SRSF10: variants seen among roughly 807,000 people sequenced by gnomAD.
SRSF10 encodes the protein serine/arginine-rich splicing factor 10.
In SRSF10, 9 loss-of-function variants were observed where a neutral mutation model predicts 32.6. The ratio of observed to expected loss-of-function variants is 0.28; its 90% CI spans 0.17 to 0.48. The LOEUF (loss-of-function observed/expected upper bound fraction) is 0.48. SRSF10 is among the 20% of genes least tolerant of loss of function. The pLI is 0.99. For synonymous variants in SRSF10, 105 were observed against 112.4 expected (o/e 0.93, Z 0.42); for missense variants, 201 against 331.8 (o/e 0.61, Z 3.06).
At chr1:23,976,863 T>G (rs1193938775) in intron 2 of SRSF10, 7 of 152,242 alleles carry the variant, frequency 4.6e-5, no homozygotes, top group African/African-American at 1.7e-4. Flanking sequence ...TTATTTCTTT[T>G]CAACTATTTT....
rs1641668922 is a variant in SRSF10, at chr1:23,970,320, T to C, written c.*822A>G. 1 of 978,524 alleles carries C rather than the reference T, an allele frequency of 1.0e-6. No homozygotes were observed. Among genetic ancestry groups the C allele is most frequent in the African/African-American group, 1.8e-5 (1 of 56,626 alleles). 60.6% of individuals were successfully genotyped at this position (978,524 alleles called of 1,614,324 possible). On this transcript the variant is annotated 3_prime_UTR_variant, in exon 6 of 6. Transcript: ENST00000492112. ...ACAGTGGGGTTAACAAAAGAACTAA[T>C]CCACACTGCATCAAAAATAATTATC...
At position 23,966,054 on chromosome 1, in the gene SRSF10, C is replaced by T. The variant is rs1641434800; in HGVS notation, c.*5088G>A. The T allele has an allele frequency of 6.6e-6, 1 of 151,906 alleles. No individual in the cohort carries two copies. Among genetic ancestry groups the T allele is most frequent in the South Asian group, 2.1e-4 (1 of 4,822 alleles). The allele number at this position is 151,906 out of a possible 1,614,324, so 9.4% of individuals were successfully genotyped here. ...TCTAGATCCCATTATATCAATGTTA[C>T]TATCTCCATGAAAATAAAGCTATAA... On this transcript the variant is annotated 3_prime_UTR_variant, in exon 6 of 6. Coordinates refer to ENST00000492112, the MANE Select transcript of SRSF10 (RefSeq NM_054016.4).
At position 23,966,554 on chromosome 1, in the gene SRSF10, C is replaced by T. The variant is rs1170759019; in HGVS notation, c.*4588G>A. 1.3e-5 allele frequency: 2 copies of T among 152,088 alleles called. No individual in the cohort carries two copies. Among genetic ancestry groups the T allele is most frequent in the East Asian group, 3.9e-4 (2 of 5,190 alleles). 9.4% of individuals were successfully genotyped at this position (152,088 alleles called of 1,614,324 possible). On this transcript the variant is annotated 3_prime_UTR_variant, in exon 6 of 6. Transcript: ENST00000492112. Reference sequence around the variant, plus strand: ...AATTTGGTGAACATTTTCTCAATTACAGAACATACTAAATCAGTTAGGATA... The same window carrying T: ...AATTTGGTGAACATTTTCTCAATTATAGAACATACTAAATCAGTTAGGATA...
chr1:23,969,824 T>G lies in SRSF10; in HGVS notation c.*1318A>C. On this transcript the variant is annotated 3_prime_UTR_variant, in exon 6 of 6. Coordinates refer to ENST00000492112, the MANE Select transcript of SRSF10 (RefSeq NM_054016.4). Reference sequence around the variant, plus strand: ...CTTGCTTAAAACTGACTAATCCTTTTCCCCAAATTACCTTAAATTTCATGG... The same window carrying G: ...CTTGCTTAAAACTGACTAATCCTTTGCCCCAAATTACCTTAAATTTCATGG... The G allele has an allele frequency of 1.0e-6, 1 of 985,378 alleles. No individual in the cohort carries two copies. Among genetic ancestry groups the G allele is most frequent in the South Asian group, 4.7e-5 (1 of 21,286 alleles). The allele number at this position is 985,378 out of a possible 1,614,324, so 61.0% of individuals were successfully genotyped here.
Position 23,968,383 on chromosome 1 carries a change from A to AC in SRSF10, c.*2758_*2759insG, listed in dbSNP as rs1641562587. On this transcript the variant is annotated 3_prime_UTR_variant, in exon 6 of 6. Transcript: ENST00000492112. ...CTACTTCTCTCAAATTATAGTCTGT[A>AC]AAACAAACAAAACCCCCCCAAAACT... Among the ~76,000 whole-genome samples the AC allele has an allele frequency of 6.6e-6, 1 of 152,124 alleles. No individual in the cohort carries two copies. The highest frequency in any genetic ancestry group is 1.5e-5 in the Non-Finnish European group (1 of 67,990).
Position 23,980,302 on chromosome 1 carries a change from G to C in SRSF10, c.-47C>G. The stretch of plus-strand genomic sequence containing the variant: ...GGCGCACTAACGGGCTCAGCAAACC[G>C]TCCGCGGCTCAGGCGGCCGAGCCTC... On this transcript the variant is annotated 5_prime_UTR_variant, in exon 1 of 6. Coordinates refer to ENST00000492112, the MANE Select transcript of SRSF10 (RefSeq NM_054016.4). 2.9e-6 allele frequency: 4 copies of C among 1,399,640 alleles called. No homozygotes were observed. The highest frequency in any genetic ancestry group is 3.7e-6 in the Non-Finnish European group (4 of 1,068,644). 86.7% of individuals were successfully genotyped at this position (1,399,640 alleles called of 1,614,324 possible).
At chr1:23,977,893 A>T (rs1642190139) in intron 2 of SRSF10, 1 of 980,812 alleles carries the variant, frequency 1.0e-6, no homozygotes, top group Admixed American at 6.2e-5. Context: ...AAAGAAAAAT[A>T]GTTATTCTGT....
In SRSF10 at chr1:23,970,914, A is replaced by G. The variant is rs1641718048; in HGVS notation, c.*228T>C. 2 of 1,241,196 alleles carry G rather than the reference A, an allele frequency of 1.6e-6. No homozygotes were observed. Among genetic ancestry groups the G allele is most frequent in the Non-Finnish European group, 2.0e-6 (2 of 992,662 alleles). 76.9% of individuals were successfully genotyped at this position (1,241,196 alleles called of 1,614,324 possible). A position where few individuals can be genotyped will look rare whatever the true frequency, so the allele number is the denominator to read the frequency against. ...AAAAAATGAGAATCTTTACAAAAAT[A>G]TACAGAGACACCACAAATTGGTAGC... is the stretch of plus-strand genomic sequence containing the variant. On this transcript the variant is annotated 3_prime_UTR_variant, in exon 6 of 6. Transcript: ENST00000492112.
chr1:23,967,867 C>T lies in SRSF10; in HGVS notation c.*3275G>A. On this transcript the variant is annotated 3_prime_UTR_variant, in exon 6 of 6. Transcript: ENST00000492112. ...ATACAATAGTTCCCAGGTCTTTCCC[C>T]TGGGATGTAACTTAACAGCTCATAC... 2 of 1,548,604 alleles carry T rather than the reference C, an allele frequency of 1.3e-6. No individual in the cohort carries two copies. Among genetic ancestry groups the T allele is most frequent in the East Asian group, 2.4e-5 (1 of 41,146 alleles).
intron 2 of SRSF10, chr1:23,977,940 T>C: frequency 1.0e-6 from 1 of 985,174 alleles, no homozygotes. Flanking sequence ...ATCTTGGCCA[T>C]CATTCAACTT....
At position 23,968,841 on chromosome 1, in the gene SRSF10, T is replaced by A. The variant is rs1383561431; in HGVS notation, c.*2301A>T. Among the ~76,000 whole-genome samples, 1 of 152,156 alleles carries A rather than the reference T, an allele frequency of 6.6e-6. No individual in the cohort carries two copies. Among genetic ancestry groups the A allele is most frequent in the African/African-American group, 2.4e-5 (1 of 41,454 alleles). On this transcript the variant is annotated 3_prime_UTR_variant, in exon 6 of 6. Transcript: ENST00000492112. ...ATCTTAACACTACCAAATAACCTCT[T>A]AAGTTAGTTAACCCAAGAGGCTTAA... is the stretch of plus-strand genomic sequence containing the variant.
intron 1 of SRSF10, chr1:23,979,096 C>G (rs377301403): frequency 5.6e-6 from 1 of 179,926 alleles, no homozygotes; most frequent in African/African-American, 2.6e-5. Flanking sequence ...ATCAAATCGA[C>G]TCTAGCACTC....
Position 23,970,187 on chromosome 1 carries a change from T to C in SRSF10, c.*955A>G. The C allele has an allele frequency of 1.0e-6, 1 of 985,202 alleles. No individual in the cohort carries two copies. Among genetic ancestry groups the C allele is most frequent in the African/African-American group, 1.7e-5 (1 of 57,250 alleles). 61.0% of individuals were successfully genotyped at this position (985,202 alleles called of 1,614,324 possible). On this transcript the variant is annotated 3_prime_UTR_variant, in exon 6 of 6. Coordinates refer to ENST00000492112, the MANE Select transcript of SRSF10 (RefSeq NM_054016.4). ...CGACCTGCTCAAATTTTAAGGTGAGTTTTTGTGTTTTCTATGTTCCAAATC... is the reference window on the plus strand; with the variant it reads ...CGACCTGCTCAAATTTTAAGGTGAGCTTTTGTGTTTTCTATGTTCCAAATC...
chr1:23,967,683 A>G lies in SRSF10; in HGVS notation c.*3459T>C, dbSNP rs1641517754. On this transcript the variant is annotated 3_prime_UTR_variant, in exon 6 of 6. Transcript: ENST00000492112. ...CGCTTTCAGATCTTTCTTGAAGTGT[A>G]GTAAGCAGAACTGTACTGGGTATTC... 1 of 1,592,204 alleles carries G rather than the reference A, an allele frequency of 6.3e-7. No individual in the cohort carries two copies. The highest frequency in any genetic ancestry group is 1.1e-5 in the South Asian group (1 of 90,560).
In SRSF10 at chr1:23,971,610, T is replaced by C; in HGVS notation, c.454A>G (p.Arg152Gly). ...GAATGGCTTCTGCTACGCCGTGGTC[T>C]TCCAGTCGGTCTACTGCTAAAAAGC... Reference protein sequence around the residue: ...YSPRNSRPTGRPRRSRSHSDN... With the variant: ...YSPRNSRPTGGPRRSRSHSDN... Residue 152 changes from arginine (R) to glycine (G), a missense_variant, in exon 5 of 6, where the codon AGA (arginine) becomes GGA (glycine). Physicochemically the swap from Arg to Gly is moderately radical, Grantham distance 125 (BLOSUM62 -2). This residue lies in a region of SRSF10 where 159 missense variants were observed against 196.7 expected (regional missense o/e 0.81). Transcript: ENST00000492112. 2 of 1,611,072 alleles carry C rather than the reference T, an allele frequency of 1.2e-6. No individual in the cohort carries two copies. The highest frequency in any genetic ancestry group is 2.2e-5 in the South Asian group (2 of 90,468).
At chr1:23,979,029 C>A in intron 1 of SRSF10, 4 of 226,416 alleles carry the variant, frequency 1.8e-5, no homozygotes, top group Non-Finnish European at 1.7e-5. Flanking sequence ...ATAAAAGGTA[C>A]AGCAGCATTA....
In SRSF10 at chr1:23,965,102, A is replaced by G. The variant is rs370726268; in HGVS notation, c.*6040T>C. On this transcript the variant is annotated 3_prime_UTR_variant, in exon 6 of 6. Transcript: ENST00000492112. The stretch of plus-strand genomic sequence containing the variant: ...CACAGTGACTAGCAGAATGTCTTGT[A>G]GATAGCAATAACCGAAGACAAACAG... The G allele has an allele frequency of 8.9e-4, 136 of 152,120 alleles. No individual in the cohort carries two copies. The highest frequency in any genetic ancestry group is 3.2e-3 in the African/African-American group (134 of 41,572). The allele number at this position is 152,120 out of a possible 1,614,324, so 9.4% of individuals were successfully genotyped here.
In SRSF10 at chr1:23,980,266, T is replaced by G. The variant is rs1048090893; in HGVS notation, c.-11A>C. The G allele has an allele frequency of 6.7e-7, 1 of 1,483,436 alleles. No homozygotes were observed. Among genetic ancestry groups the G allele is most frequent in the South Asian group, 1.3e-5 (1 of 78,326 alleles). The allele number at this position is 1,483,436 out of a possible 1,614,324, so 91.9% of individuals were successfully genotyped here. ...CAGGTAGCGGGACATGGCGGCGGCG[T>G]GTCTCGGCCGGGCGCACTAACGGGC... is the stretch of plus-strand genomic sequence containing the variant. On this transcript the variant is annotated 5_prime_UTR_variant, in exon 1 of 6. Transcript: ENST00000492112.
intron 2 of SRSF10, 122 bp downstream of exon 2, chr1:23,978,591 A>T (rs1045956738): frequency 1.0e-5 from 13 of 1,287,314 alleles, no homozygotes; most frequent in Non-Finnish European, 4.1e-6. Context: ...AATTTTCAAA[A>T]ATTTGAAGAC....
Sources: allele counts gnomAD v4.1 joint callset (sites outside exome capture counted in the v4.1 genomes callset), GRCh38; gene constraint gnomAD v4.1.1; regional missense constraint gnomAD v4.1.1; transcripts MANE v1.5; gene names NCBI Gene and HGNC (gene_info 2026-07-23, HGNC 2026-07-21).